Variants in NUP50 observed in about 807,000 individuals in gnomAD.
NUP50 encodes nuclear pore complex protein Nup50.
In NUP50, 14 loss-of-function variants were observed where a neutral mutation model predicts 36.8. The observed-to-expected ratio is 0.38, with a 90% CI of 0.25 to 0.59. The LOEUF (loss-of-function observed/expected upper bound fraction) is 0.59. Ranked by LOEUF, NUP50 falls within the 20% of genes least tolerant of loss-of-function variation. NUP50 has a pLI of 0.63. For missense variants in NUP50, 455 were observed against 564.6 expected (o/e 0.81, Z 1.97); for synonymous variants, 195 against 210.8 (o/e 0.93, Z 0.65).
chr22:45,178,311 G>A lies in NUP50; in HGVS notation c.414G>A (p.Gln138=), dbSNP rs1487980905. ...VSNPKTNGDS[Q]QPSSSGLASS... ...ATCCCAAAACTAATGGGGACAGTCA[G>A]CAGCCCTCCTCCTCTGGCCTTGCTT... is the stretch of plus-strand genomic sequence containing the variant. The change falls in exon 5 of 8, where the codon CAG becomes CAA. Residue 138 remains glutamine (Q), a synonymous_variant. Coordinates refer to ENST00000347635, the MANE Select transcript of NUP50 (RefSeq NM_007172.4). 6.2e-7 allele frequency: 1 copy of A among 1,614,018 alleles called. No individual in the cohort carries two copies. Among genetic ancestry groups the A allele is most frequent in the South Asian group, 1.1e-5 (1 of 91,080 alleles).
rs1348852492 is a variant in NUP50, at chr22:45,187,388, T to C, written c.*2733T>C. ...GATTATTCTGTTTTACAATTTCAATTCTAGATCACATTTTATATATGCTGC... is the reference window on the plus strand; with the variant it reads ...GATTATTCTGTTTTACAATTTCAATCCTAGATCACATTTTATATATGCTGC... On this transcript the variant is annotated 3_prime_UTR_variant, in exon 8 of 8. Transcript: ENST00000347635. 1.3e-5 allele frequency: 2 copies of C among 151,460 alleles called. No individual in the cohort carries two copies. Among genetic ancestry groups the C allele is most frequent in the Admixed American group, 1.3e-4 (2 of 15,182 alleles). The allele number at this position is 151,460 out of a possible 1,614,324, so 9.4% of individuals were successfully genotyped here. A position where few individuals can be genotyped will look rare whatever the true frequency, so the allele number is the denominator to read the frequency against.
Position 45,178,291 on chromosome 22 carries a change from A to G in NUP50, c.394A>G (p.Lys132Glu). The change falls in exon 5 of 8, where the codon AAA (lysine) becomes GAA (glutamate). Residue 132 changes from lysine to glutamate, a missense_variant. Physicochemically the swap from Lys to Glu is moderately conservative, Grantham distance 56. Coordinates refer to ENST00000347635, the MANE Select transcript of NUP50 (RefSeq NM_007172.4). ...CTTGGTTGATAAAGTTTCAAATCCC[A>G]AAACTAATGGGGACAGTCAGCAGCC... Reference protein sequence around the residue: ...TTLVDKVSNPKTNGDSQQPSS... With the variant: ...TTLVDKVSNPETNGDSQQPSS... 3 of 1,614,012 alleles carry G rather than the reference A, an allele frequency of 1.9e-6. No homozygotes were observed. Among genetic ancestry groups the G allele is most frequent in the Non-Finnish European group, 2.5e-6 (3 of 1,179,864 alleles).
At chr22:45,179,566 T>G (rs2074333472) in intron 5 of NUP50, among the ~76,000 whole-genome samples, 1 of 152,138 alleles carries the variant, frequency 6.6e-6, no homozygotes, top group African/African-American at 2.4e-5. Flanking sequence ...ACAGGTGATG[T>G]CTGTGAAGAC....
chr22:45,175,207 G>A (rs1409135950), intron 3 of NUP50, among the ~76,000 whole-genome samples: 2 of 152,182 alleles, frequency 1.3e-5, no homozygotes, highest in Non-Finnish European at 2.9e-5. Context: ...GAATTCATAC[G>A]GAATGCCACA....
chr22:45,176,390 C>T (rs1219071548), intron 4 of NUP50, among the ~76,000 whole-genome samples: 3 of 152,076 alleles, frequency 2.0e-5, no homozygotes, highest in Non-Finnish European at 2.9e-5. Context: ...GACCTAGAGT[C>T]GAGAGAGAAA....
At chr22:45,164,966 C>T (rs889553951) in intron 1 of NUP50, 6 of 152,218 alleles carry the variant, frequency 3.9e-5, no homozygotes, top group Admixed American at 1.3e-4. Flanking sequence ...GTATTTCTGT[C>T]TCCTTACTTG....
At chr22:45,177,141 T>A in intron 4 of NUP50, among the ~76,000 whole-genome samples, 1 of 152,262 alleles carries the variant, frequency 6.6e-6, no homozygotes, top group Non-Finnish European at 1.5e-5. Context: ...GCATAACTCT[T>A]AGATAGGAAA....
chr22:45,165,426 C>G (rs867921092), intron 1 of NUP50, among the ~76,000 whole-genome samples: 1 of 152,182 alleles, frequency 6.6e-6, no homozygotes, highest in East Asian at 1.9e-4. Flanking sequence ...TTCATCTAAT[C>G]TATGTCCATC....
chr22:45,167,685 G>A (rs529149865), intron 1 of NUP50, among the ~76,000 whole-genome samples: 1 of 152,098 alleles, frequency 6.6e-6, no homozygotes, highest in East Asian at 1.9e-4. Context: ...TTGTGGAGGC[G>A]TTTCCAGCCC....
intron 3 of NUP50, among the ~76,000 whole-genome samples, chr22:45,173,232 T>C (rs976952329): frequency 6.6e-6 from 1 of 152,226 alleles, no homozygotes; most frequent in African/African-American, 2.4e-5. Context: ...TTGTATTTCT[T>C]ATTTGACAAA....
chr22:45,168,953 G>C (rs132864), intron 2 of NUP50, among the ~76,000 whole-genome samples: 96,341 of 144,770 alleles, frequency 0.67, 32,341 homozygotes, highest in East Asian at 0.86. Flanking sequence ...CCAGGCTGGA[G>C]TGCGGTGGCA....
At position 45,185,191 on chromosome 22, in the gene NUP50, C is replaced by G. The variant is rs144010532; in HGVS notation, c.*536C>G. ...TTATTTTTACTTTGAAGCTCAAATG[C>G]GAGTACTAAGTGTTCACCTCAGCGT... is the stretch of plus-strand genomic sequence containing the variant. On this transcript the variant is annotated 3_prime_UTR_variant, in exon 8 of 8. Transcript: ENST00000347635. The G allele has an allele frequency of 2.9e-3, 482 of 164,160 alleles. 1 individual carries two copies. Among genetic ancestry groups the G allele is most frequent in the African/African-American group, 9.8e-3 (410 of 41,638 alleles). 10.2% of individuals were successfully genotyped at this position (164,160 alleles called of 1,614,324 possible). A position where few individuals can be genotyped will look rare whatever the true frequency, so the allele number is the denominator to read the frequency against.
intron 4 of NUP50, 49 bp from the exon 5 acceptor site, chr22:45,178,189 T>C: frequency 6.5e-7 from 1 of 1,534,760 alleles, no homozygotes; most frequent in Non-Finnish European, 8.8e-7. Flanking sequence ...ATCTAGATGA[T>C]TTAATCAAAT....
intron 5 of NUP50, among the ~76,000 whole-genome samples, chr22:45,179,946 T>G (rs2074339904): frequency 6.6e-6 from 1 of 152,234 alleles, no homozygotes; most frequent in African/African-American, 2.4e-5. Flanking sequence ...AAACTGCATT[T>G]GCCAATTTGC....
chr22:45,170,679 GT>G (rs1322347616), intron 2 of NUP50, among the ~76,000 whole-genome samples: 2 of 152,092 alleles, frequency 1.3e-5, no homozygotes. Flanking sequence ...GGTTATGGGG[GT>G]TTTTGGTTTT....
Position 45,176,105 on chromosome 22 carries a change from G to A in NUP50, c.340+25G>A, listed in dbSNP as rs542300352. On this transcript the variant is annotated intron_variant, in intron 4 of 7. Coordinates refer to ENST00000347635, the MANE Select transcript of NUP50 (RefSeq NM_007172.4). ...GGTAAGTAGCTCCCATCCCCCAGCCGCCTGTGTAAGTATCATCTATGGAAA... is the reference window on the plus strand; with the variant it reads ...GGTAAGTAGCTCCCATCCCCCAGCCACCTGTGTAAGTATCATCTATGGAAA... The A allele has an allele frequency of 4.0e-5, 65 of 1,608,564 alleles. No homozygotes were observed. The East Asian group carries it at 5.8e-4, about 14-fold the overall frequency.
At chr22:45,169,547 G>A (rs1270134669) in intron 2 of NUP50, among the ~76,000 whole-genome samples, 2 of 152,196 alleles carry the variant, frequency 1.3e-5, no homozygotes, top group Admixed American at 6.5e-5. Context: ...TCAATCATTA[G>A]TATAAACATT....
Position 45,185,240 on chromosome 22 carries a change from G to A in NUP50, c.*585G>A, listed in dbSNP as rs748348382. On this transcript the variant is annotated 3_prime_UTR_variant, in exon 8 of 8. Coordinates refer to ENST00000347635, the MANE Select transcript of NUP50 (RefSeq NM_007172.4). ...GTTCGAATCATTGGCCTGTAACCCT[G>A]TGGGCTGCTTCACGAGAATTCAGGA... is the stretch of plus-strand genomic sequence containing the variant. 2.6e-5 allele frequency: 4 copies of A among 153,468 alleles called. No homozygotes were observed. The highest frequency in any genetic ancestry group is 4.8e-5 in the African/African-American group (2 of 41,436). The allele number at this position is 153,468 out of a possible 1,614,324, so 9.5% of individuals were successfully genotyped here. A position where few individuals can be genotyped will look rare whatever the true frequency, so the allele number is the denominator to read the frequency against.
Position 45,182,421 on chromosome 22 carries a change from C to T in NUP50, c.1086-981C>T, listed in dbSNP as rs190314095. ...CATGCCACTGCACTCCAGCCTGGGC[C>T]ACAGAGTAAGACTGTCTCAAAAGAA... On this transcript the variant is annotated intron_variant, in intron 6 of 7. Coordinates refer to ENST00000347635, the MANE Select transcript of NUP50 (RefSeq NM_007172.4). 3.3e-5 allele frequency among the ~76,000 whole-genome samples: 5 copies of T among 152,048 alleles called. No individual in the cohort carries two copies. In the East Asian group the frequency reaches 9.7e-4, roughly 30 times the overall value.
Sources: allele counts gnomAD v4.1 joint callset (sites outside exome capture counted in the v4.1 genomes callset), GRCh38; gene constraint gnomAD v4.1.1; transcripts MANE v1.5; gene names NCBI Gene and HGNC (gene_info 2026-07-23, HGNC 2026-07-21).